The following ABCA1 variants were observed in gnomAD, a reference collection of about 807,000 sequenced individuals.
ABCA1 encodes ATP binding cassette subfamily A member 1.
ABCA1 carries 133 observed loss-of-function variants against 262.5 expected under a neutral mutation model. That is an observed-to-expected ratio of 0.51 (90% CI 0.44 to 0.59). The LOEUF (loss-of-function observed/expected upper bound fraction) is 0.59. Ranked by LOEUF, ABCA1 falls within the 20% of genes least tolerant of loss-of-function variation. The pLI is 0.00. For synonymous variants in ABCA1, 1,022 were observed against 1,043.5 expected (o/e 0.98, Z 0.40); for missense variants, 2,452 against 2,777.5 (o/e 0.88, Z 2.63).
chr9:104,808,482 C>T (rs1830990126), intron 30 of ABCA1, among the ~76,000 whole-genome samples: 1 of 152,212 alleles, frequency 6.6e-6, no homozygotes, highest in African/African-American at 2.4e-5. Flanking sequence ...CTTCTCTATC[C>T]TTGTCATCTG....
Position 104,837,574 on chromosome 9 carries a change from A to G in ABCA1, c.1055-7T>C, listed in dbSNP as rs199586194. ...AAATCATTGCAGTAAGGAGCTATGAAGAAGAGGAGAGACAAATGCTCATAT... is the reference window on the plus strand; with the variant it reads ...AAATCATTGCAGTAAGGAGCTATGAGGAAGAGGAGAGACAAATGCTCATAT... On this transcript the variant is annotated splice_polypyrimidine_tract_variant and splice_region_variant and intron_variant, in intron 9 of 49. Coordinates refer to ENST00000374736, the MANE Select transcript of ABCA1 (RefSeq NM_005502.4). The G allele has an allele frequency of 1.0e-3, 1,611 of 1,613,844 alleles. 15 individuals are homozygous for G. The highest frequency in any genetic ancestry group is 8.2e-3 in the Middle Eastern group (50 of 6,062).
intron 22 of ABCA1, 111 bp from the exon 23 acceptor site, chr9:104,818,994 T>A: frequency 9.5e-7 from 1 of 1,050,664 alleles, no homozygotes; most frequent in South Asian, 1.4e-5. Flanking sequence ...GGAAGAGACC[T>A]GGAAGCCACC....
chr9:104,806,069 C>T (rs1467417232), intron 31 of ABCA1, among the ~76,000 whole-genome samples, 172 bp downstream of exon 31: 4 of 151,998 alleles, frequency 2.6e-5, no homozygotes, highest in Non-Finnish European at 4.4e-5. Flanking sequence ...CATGCCACAG[C>T]ACTCCAGCCT....
chr9:104,872,114 T>C (rs1311640681), intron 5 of ABCA1, among the ~76,000 whole-genome samples: 4 of 152,172 alleles, frequency 2.6e-5, no homozygotes, highest in African/African-American at 9.7e-5. Flanking sequence ...CACAGAAAAG[T>C]GACTCATATT....
rs3983647 is a variant in ABCA1, at chr9:104,799,394, TCACA to T, written c.4943+421_4943+424del. The T allele has an allele frequency of 4.8e-3, 2,638 of 552,116 alleles. 3 individuals are homozygous for T. The highest frequency in any genetic ancestry group is 0.022 in the South Asian group (296 of 13,262). 34.2% of individuals were successfully genotyped at this position (552,116 alleles called of 1,614,324 possible). On this transcript the variant is annotated intron_variant, in intron 36 of 49. Transcript: ENST00000374736. ...AACTAGCTCATCCTGGCTTTAAACTTCACACACACACACACACACACACACACAC... is the reference window on the plus strand; with the variant it reads ...AACTAGCTCATCCTGGCTTTAAACTTCACACACACACACACACACACACAC...
At chr9:104,822,697 C>T in intron 18 of ABCA1, 30 bp from the exon 19 acceptor site, 2 of 1,612,548 alleles carry the variant, frequency 1.2e-6, no homozygotes, top group Non-Finnish European at 1.7e-6. Flanking sequence ...AGAAATGAAC[C>T]CACAGAAAGC....
intron 37 of ABCA1, 135 bp from the exon 38 acceptor site, chr9:104,796,559 T>A: frequency 1.3e-6 from 1 of 748,474 alleles, no homozygotes; most frequent in Non-Finnish European, 2.4e-6. Flanking sequence ...TGAAGCCACA[T>A]AAACTATTAA....
chr9:104,824,555 AG>A lies in ABCA1; in HGVS notation c.2565del (p.Trp856GlyfsTer40). 1.9e-6 allele frequency: 3 copies of A among 1,613,930 alleles called. No individual in the cohort carries two copies. The highest frequency in any genetic ancestry group is 2.5e-6 in the Non-Finnish European group (3 of 1,180,010). On this transcript the variant is annotated frameshift_variant, in exon 18 of 50. Transcript: ENST00000374736. LOFTEE classifies it high-confidence loss of function. ...VFPGQYGIPRPWYFPCTKSYW... is the reference protein window; with the variant it reads ...VFPGQYGIPRXWYFPCTKSYW... ...TAGGACTTGGTGCAAGGAAAATACC[AG>A]GGCCTGGGAATTCCGTACTGGCCTG...
chr9:104,819,495 C>T lies in ABCA1; in HGVS notation c.3241+91G>A, dbSNP rs747059018. On this transcript the variant is annotated intron_variant, in intron 22 of 49. Transcript: ENST00000374736. ...AACAGAAGAGTATCCCATGGCTTCACAGAAGCCTAGCCATGAGATACAGCC... is the reference window on the plus strand; with the variant it reads ...AACAGAAGAGTATCCCATGGCTTCATAGAAGCCTAGCCATGAGATACAGCC... 301 of 1,571,110 alleles carry T rather than the reference C, an allele frequency of 1.9e-4. 1 individual carries two copies. Among genetic ancestry groups the T allele is most frequent in the Admixed American group, 4.0e-4 (24 of 59,932 alleles).
chr9:104,849,821 A>T (rs1335499716), intron 7 of ABCA1, among the ~76,000 whole-genome samples: 3 of 152,248 alleles, frequency 2.0e-5, no homozygotes, highest in Admixed American at 2.0e-4. Context: ...AATTAACCAG[A>T]TTCCACATGT....
chr9:104,818,842 C>T lies in ABCA1; in HGVS notation c.3283G>A (p.Asp1095Asn). 6.2e-7 allele frequency: 1 copy of T among 1,613,956 alleles called. No homozygotes were observed. The highest frequency in any genetic ancestry group is 1.3e-5 in the African/African-American group (1 of 75,044). Reference protein sequence around the residue: ...ILSTHHMDEADVLGDRIAIIS... With the variant: ...ILSTHHMDEANVLGDRIAIIS... ...ATGGCAATCCTGTCCCCCAGGACGTCCGCTTCATCCATGTGGTGTGTAGAG... is the reference window on the plus strand; with the variant it reads ...ATGGCAATCCTGTCCCCCAGGACGTTCGCTTCATCCATGTGGTGTGTAGAG... The change falls in exon 23 of 50, where the codon GAC (aspartate) becomes AAC (asparagine). Residue 1095 changes from aspartate to asparagine, a missense_variant. Coordinates refer to ENST00000374736, the MANE Select transcript of ABCA1 (RefSeq NM_005502.4).
At position 104,895,101 on chromosome 9, in the gene ABCA1, T is replaced by C. The variant is rs181948754; in HGVS notation, c.67-5906A>G. Among the ~76,000 whole-genome samples the C allele has an allele frequency of 2.4e-4, 37 of 152,316 alleles. No individual in the cohort carries two copies. In the East Asian group the frequency reaches 5.6e-3, roughly 23 times the overall value. On this transcript the variant is annotated intron_variant, in intron 2 of 49. Transcript: ENST00000374736. ...AATAGCTTGGAAATGAAGTTGATCC[T>C]TTACCATTATAAATTCCTACAGAAA...
intron 32 of ABCA1, among the ~76,000 whole-genome samples, chr9:104,804,342 A>G (rs1830586831): frequency 6.6e-6 from 1 of 152,260 alleles, no homozygotes; most frequent in Admixed American, 6.5e-5. Context: ...CTTTAAAAGG[A>G]TAACCAGTTA....
rs1201254743 is a variant in ABCA1 at position 104,831,788 on chromosome 9, C to T, written c.1549G>A (p.Val517Ile). 1.2e-6 allele frequency: 2 copies of T among 1,614,220 alleles called. No homozygotes were observed. The highest frequency in any genetic ancestry group is 1.7e-6 in the Non-Finnish European group (2 of 1,180,048). Residue 517 changes from valine to isoleucine, a missense_variant, in exon 13 of 50, where the codon GTC becomes ATC. By Grantham distance (29) the Val-to-Ile change is conservative. This residue lies in a region of ABCA1 where 1,032 missense variants were observed against 1,089.7 expected (regional missense o/e 0.95). Transcript: ENST00000374736. ...LNKLEPIATE[V>I]WLINKSMELL... ...TCCATGGACTTGTTGATGAGCCAGA[C>T]TTCTGTTGCTATGGGTTCTAGCTTG...
rs1840859819 is a variant in ABCA1 at position 104,903,740 on chromosome 9, C to T, written c.-61G>A. 1 of 1,502,730 alleles carries T rather than the reference C, an allele frequency of 6.7e-7. No individual in the cohort carries two copies. The highest frequency in any genetic ancestry group is 2.0e-5 in the Admixed American group (1 of 50,878). 93.1% of individuals were successfully genotyped at this position (1,502,730 alleles called of 1,614,324 possible). A position where few individuals can be genotyped will look rare whatever the true frequency, so the allele number is the denominator to read the frequency against. On this transcript the variant is annotated 5_prime_UTR_variant, in exon 2 of 50. Transcript: ENST00000374736. ...GAGCCCTGGAAGGCAGCGGCCAGAG[C>T]TCACAGCAGGGACGCCGTGGCTGGT...
intron 5 of ABCA1, among the ~76,000 whole-genome samples, chr9:104,874,385 A>G (rs1431441340): frequency 1.3e-5 from 2 of 152,102 alleles, no homozygotes; most frequent in Non-Finnish European, 1.5e-5. Flanking sequence ...CCAACATGGC[A>G]AAACCCCGTC....
intron 22 of ABCA1, among the ~76,000 whole-genome samples, 189 bp downstream of exon 22, chr9:104,819,397 C>CT (rs1832069494): frequency 6.6e-6 from 1 of 152,090 alleles, no homozygotes. Flanking sequence ...ATGTTGGGGA[C>CT]AAAAAGATGA....
rs754209688 is a variant in ABCA1, at chr9:104,828,948, C to A, written c.2083G>T (p.Val695Leu). 2.5e-6 allele frequency: 4 copies of A among 1,614,136 alleles called. No individual in the cohort carries two copies. The highest frequency in any genetic ancestry group is 1.1e-5 in the South Asian group (1 of 91,072). Residue 695 changes from valine to leucine, a missense_variant, in exon 15 of 50, where the codon GTG becomes TTG. Transcript: ENST00000374736. ...WFISSLIPLL[V>L]SAGLLVVILK... ...ATGACCACTAGCAGGCCAGCGCTCA[C>A]AAGAAGAGGAATGAGGCTACTAATG...
chr9:104,899,692 TA>T (rs879647826), intron 2 of ABCA1, among the ~76,000 whole-genome samples: 127 of 144,826 alleles, frequency 8.8e-4, no homozygotes, highest in Middle Eastern at 3.5e-3. Flanking sequence ...AGACTCAGTT[TA>T]AAAAAAAAAA....
Sources: gnomAD v4.1 joint callset for allele counts (sites outside exome capture counted in the v4.1 genomes callset) on GRCh38, gnomAD v4.1.1 for gene constraint, gnomAD v4.1.1 regional missense constraint, MANE v1.5 for transcripts, NCBI Gene and HGNC (gene_info 2026-07-23, HGNC 2026-07-21) for gene names.